BPIFB3: variants seen among roughly 807,000 people sequenced by gnomAD.
BPIFB3 encodes the protein BPI fold containing family B member 3.
In BPIFB3, 49 loss-of-function variants were observed where a neutral mutation model predicts 53.1. That is an observed-to-expected ratio of 0.92 (90% CI 0.73 to 1.17). The LOEUF is 1.17. Among genes scored for constraint, BPIFB3 ranks in the 50% most tolerant of loss-of-function variants. The pLI is 0.00. For synonymous variants in BPIFB3, 271 were observed against 269.6 expected, an observed-to-expected ratio of 1.01 and a Z score of -0.05; for missense variants, 628 against 592.5, an observed-to-expected ratio of 1.06 and a Z score of -0.62.
intron 11 of BPIFB3, among the ~76,000 whole-genome samples, chr20:33,070,593 G>A (rs535453405): frequency 4.6e-5 from 7 of 152,348 alleles, no homozygotes; most frequent in Middle Eastern, 3.4e-3. Context: ...GCCCCGGCCT[G>A]TCTGTCCCTC....
At chr20:33,061,337 A>ATCATTCATTCATTCATTCAT (rs4012503) in intron 4 of BPIFB3, among the ~76,000 whole-genome samples, 2 of 151,152 alleles carry the variant, frequency 1.3e-5, no homozygotes, top group African/African-American at 4.9e-5. Flanking sequence ...TCCTCAGGCC[A>ATCATTCATTCATTCATTCAT]TCATTCATTC....
intron 2 of BPIFB3, among the ~76,000 whole-genome samples, chr20:33,058,345 G>A (rs1336057577): frequency 6.6e-6 from 1 of 152,178 alleles, no homozygotes; most frequent in Admixed American, 6.5e-5. Context: ...TCTGTGGTAG[G>A]TGTGGTCAAT....
chr20:33,068,840 T>A (rs1393305425), exon 10 of BPIFB3: 3 of 1,613,976 alleles, frequency 1.9e-6, no homozygotes, highest in Non-Finnish European at 2.5e-6. Context: ...CAACTCCTAC[T>A]GTTCCTGCGG....
intron 11 of BPIFB3, 66 bp from the exon 13 acceptor site, chr20:33,071,187 G>A: frequency 6.8e-7 from 1 of 1,476,654 alleles, no homozygotes; most frequent in Non-Finnish European, 9.2e-7. Context: ...TGGTGGGGCA[G>A]GCTGGGGGTG....
At chr20:33,072,654 G>A in intron 13 of BPIFB3, 63 bp from the exon 15 acceptor site, 1 of 1,412,680 alleles carries the variant, frequency 7.1e-7, no homozygotes, top group East Asian at 2.3e-5. Flanking sequence ...GGGTCCGAGG[G>A]TTCCTAGGGT....
chr20:33,056,084 G>C (rs1335876604), intron 1 of BPIFB3, among the ~76,000 whole-genome samples: 1 of 152,186 alleles, frequency 6.6e-6, no homozygotes, highest in African/African-American at 2.4e-5. Flanking sequence ...GAGAGAAGCA[G>C]AGACCATCTC....
intron 4 of BPIFB3, among the ~76,000 whole-genome samples, chr20:33,060,906 C>T (rs1280718802): frequency 6.6e-6 from 1 of 152,196 alleles, no homozygotes; most frequent in Non-Finnish European, 1.5e-5. Flanking sequence ...GCCCAGAGGT[C>T]TCCTTGCCTA....
intron 10 of BPIFB3, 46 bp downstream of exon 11, chr20:33,069,019 A>C: frequency 6.3e-7 from 1 of 1,581,738 alleles, no homozygotes; most frequent in Non-Finnish European, 8.6e-7. Context: ...GGGGTTCCAA[A>C]TGGGGGTGAC....
At chr20:33,055,511 A>G (rs1980158301) in exon 1 of BPIFB3, 1 of 1,613,734 alleles carries the variant, frequency 6.2e-7, no homozygotes, top group African/African-American at 1.3e-5. Flanking sequence ...GACGGTGGGC[A>G]CGCTCGCTCG....
exon 14 of BPIFB3, chr20:33,072,779 C>A (rs762502163): frequency 1.1e-5 from 18 of 1,613,150 alleles, no homozygotes; most frequent in Middle Eastern, 1.6e-4. Flanking sequence ...CAATTCAGTT[C>A]TGGAGATCGT....
chr20:33,060,845 G>A (rs1335809898), intron 4 of BPIFB3, among the ~76,000 whole-genome samples: 2 of 152,196 alleles, frequency 1.3e-5, no homozygotes, highest in African/African-American at 4.8e-5. Context: ...GATTACAGGT[G>A]TGAGCCACCG....
At chr20:33,065,930 G>T (rs4911292) in intron 8 of BPIFB3, among the ~76,000 whole-genome samples, 58,662 of 152,048 alleles carry the variant, frequency 0.39, 12,029 homozygotes, top group East Asian at 0.79. Context: ...GCTGGGGGAT[G>T]GGGGTAGTCA....
At chr20:33,059,626 C>A (rs1458486660) in intron 3 of BPIFB3, 144 bp downstream of exon 4, 1 of 734,178 alleles carries the variant, frequency 1.4e-6, no homozygotes, top group Non-Finnish European at 2.3e-6. Flanking sequence ...AAGGGACTCC[C>A]AATCCTACTG....
Position 33,056,528 on chromosome 20 carries a change from C to T in BPIFB3, c.125-14C>T. On this transcript the variant is annotated splice_polypyrimidine_tract_variant and intron_variant, in intron 1 of 14. Coordinates refer to ENST00000375494, the Ensembl canonical transcript of BPIFB3. ...GGAGTTTCTAGTACCTTCCTACTTC[C>T]ACTCTCTCTGCAGCCATCCAGAACT... 6.2e-7 allele frequency: 1 copy of T among 1,613,562 alleles called. No homozygotes were observed. Among genetic ancestry groups the T allele is most frequent in the Non-Finnish European group, 8.5e-7 (1 of 1,179,942 alleles).
rs753581097 is a variant in BPIFB3, at chr20:33,063,595, CAT to C, written c.592-19_592-18del. ...CAGTGAGCTCTTCTTTGCCCTGTAA[CAT>C]GTGTCTCCCTGACACAGCTGTGCCC... On this transcript the variant is annotated intron_variant, in intron 5 of 14. Transcript: ENST00000375494. 1.5e-5 allele frequency: 24 copies of C among 1,613,362 alleles called. No homozygotes were observed. The highest frequency in any genetic ancestry group is 2.0e-5 in the Non-Finnish European group (24 of 1,179,508).
chr20:33,068,215 T>C (rs1031706127), intron 9 of BPIFB3, among the ~76,000 whole-genome samples: 3 of 152,106 alleles, frequency 2.0e-5, no homozygotes, highest in Admixed American at 6.5e-5. Flanking sequence ...ATTGCACAAA[T>C]AAACAGAAAC....
At chr20:33,068,842 T>C in exon 10 of BPIFB3, 1 of 1,613,970 alleles carries the variant, frequency 6.2e-7, no homozygotes, top group Non-Finnish European at 8.5e-7. Flanking sequence ...ACTCCTACTG[T>C]TCCTGCGGGT....
chr20:33,059,103 T>G (rs899790476), intron 2 of BPIFB3, among the ~76,000 whole-genome samples: 6 of 152,092 alleles, frequency 3.9e-5, no homozygotes, highest in Admixed American at 3.9e-4. Flanking sequence ...CTAGCGGTGA[T>G]GATGATAGGA....
chr20:33,061,649 C>T lies in BPIFB3; in HGVS notation c.528-119C>T, dbSNP rs1980461746. On this transcript the variant is annotated intron_variant, in intron 4 of 14. Coordinates refer to ENST00000375494, the Ensembl canonical transcript of BPIFB3. ...CTCAGGTCTCCAAAGCCGCAGTCAACACCACCCCCAAGAGAAGGGAGAGGA... is the reference window on the plus strand; with the variant it reads ...CTCAGGTCTCCAAAGCCGCAGTCAATACCACCCCCAAGAGAAGGGAGAGGA... 1.0e-5 allele frequency: 10 copies of T among 998,446 alleles called. No individual in the cohort carries two copies. In the South Asian group the frequency reaches 1.6e-4, roughly 16 times the overall value. The allele number at this position is 998,446 out of a possible 1,614,324, so 61.8% of individuals were successfully genotyped here. A position where few individuals can be genotyped will look rare whatever the true frequency, so the allele number is the denominator to read the frequency against.
Sources: gnomAD v4.1 joint callset for allele counts (sites outside exome capture counted in the v4.1 genomes callset) on GRCh38, gnomAD v4.1.1 for gene constraint, MANE v1.5 for transcripts, NCBI Gene and HGNC (gene_info 2026-07-23, HGNC 2026-07-21) for gene names.